ASIC2: variants seen among roughly 807,000 people sequenced by gnomAD.
The protein encoded by ASIC2 is acid-sensing ion channel 2.
A neutral mutation model predicts 57.3 loss-of-function variants in ASIC2; 25 were observed. That is an observed-to-expected ratio of 0.44 (90% CI 0.32 to 0.61). ASIC2 has a LOEUF of 0.61. Ranked by LOEUF, ASIC2 falls within the 20% of genes least tolerant of loss-of-function variation. The probability of loss-of-function intolerance (pLI) is 0.06; values close to 1 mark genes in which losing one functional copy is unlikely to be tolerated. For synonymous variants in ASIC2, 319 were observed against 307.5 expected, an observed-to-expected ratio of 1.04 and a Z score of -0.39; for missense variants, 641 against 738.1, an observed-to-expected ratio of 0.87 and a Z score of 1.52.
chr17:33,716,402 T>C (rs1909219999), intron 1 of ASIC2, among the ~76,000 whole-genome samples: 1 of 152,206 alleles, frequency 6.6e-6, no homozygotes, highest in African/African-American at 2.4e-5. Flanking sequence ...CTGATACACC[T>C]CTTTGGAAGG....
At chr17:34,094,985 T>A (rs929669439) in intron 1 of ASIC2, among the ~76,000 whole-genome samples, 1 of 152,206 alleles carries the variant, frequency 6.6e-6, no homozygotes, top group East Asian at 1.9e-4. Context: ...GAGGAAAGCA[T>A]ATCTGATTGT....
At chr17:33,907,090 C>T (rs953582970) in intron 1 of ASIC2, among the ~76,000 whole-genome samples, 2 of 152,098 alleles carry the variant, frequency 1.3e-5, no homozygotes, top group African/African-American at 4.8e-5. Context: ...AGGGGGCTGG[C>T]TAAGTAGAAG....
chr17:33,277,017 TC>T lies in ASIC2; in HGVS notation c.708+14390del, dbSNP rs1904732751. Among the ~76,000 whole-genome samples the T allele has an allele frequency of 4.6e-5, 7 of 152,358 alleles. No homozygotes were observed. In the South Asian group the frequency reaches 1.4e-3, roughly 32 times the overall value. On this transcript the variant is annotated intron_variant, in intron 1 of 9. Transcript: ENST00000225823. ...GTCCCATGTACCCGTGGTATTGATG[TC>T]ATTTAGGAGCTTGACAGGAATGCAG...
chr17:33,760,109 G>T (rs1910736497), intron 1 of ASIC2, among the ~76,000 whole-genome samples: 1 of 151,996 alleles, frequency 6.6e-6, no homozygotes, highest in Admixed American at 6.5e-5. Context: ...AGAGCAGTTT[G>T]TTAAAATTGG....
chr17:33,155,351 C>T (rs768991189), intron 1 of ASIC2, among the ~76,000 whole-genome samples: 4 of 152,178 alleles, frequency 2.6e-5, no homozygotes, highest in Non-Finnish European at 4.4e-5. Flanking sequence ...CAGGTGTCTG[C>T]GCATCCATCT....
At chr17:34,077,323 T>TGATC (rs1286276624) in intron 1 of ASIC2, among the ~76,000 whole-genome samples, 2 of 152,182 alleles carry the variant, frequency 1.3e-5, no homozygotes, top group African/African-American at 4.8e-5. Context: ...TCCTCTCCTG[T>TGATC]GATCGAGCCC....
intron 1 of ASIC2, among the ~76,000 whole-genome samples, chr17:33,254,421 T>C (rs1908987652): frequency 6.6e-6 from 1 of 152,208 alleles, no homozygotes; most frequent in Non-Finnish European, 1.5e-5. Context: ...AGTGAAGTTC[T>C]TTAATCTGGC....
chr17:34,123,915 T>A lies in ASIC2; in HGVS notation c.555+32063A>T, dbSNP rs1911698753. Among the ~76,000 whole-genome samples the A allele has an allele frequency of 2.6e-5, 4 of 152,160 alleles. No homozygotes were observed. In the South Asian group the frequency reaches 6.2e-4, roughly 24 times the overall value. ...CTGGGCAACATGGCGAAACCCCATC[T>A]CTACAAAAATACAAAAATTAGCTGG... On this transcript the variant is annotated intron_variant, in intron 1 of 9. Transcript: ENST00000359872.
At chr17:33,383,058 A>G (rs1597707606) in intron 1 of ASIC2, among the ~76,000 whole-genome samples, 1 of 152,092 alleles carries the variant, frequency 6.6e-6, no homozygotes, top group South Asian at 2.1e-4. Flanking sequence ...CAAACACCAC[A>G]CACAAAAAAA....
At position 34,047,553 on chromosome 17, in the gene ASIC2, C is replaced by T. The variant is rs188759815; in HGVS notation, c.555+108425G>A. The stretch of plus-strand genomic sequence containing the variant: ...AAAAAAGACTGGAGTATATTGATTA[C>T]ACCAATGGGCCAAATTTCCCACCCC... On this transcript the variant is annotated intron_variant, in intron 1 of 9. Coordinates refer to the ASIC2 transcript ENST00000359872. 1.9e-3 allele frequency among the ~76,000 whole-genome samples: 269 copies of T among 139,270 alleles called. 1 individual carries two copies. Among genetic ancestry groups the T allele is most frequent in the Middle Eastern group, 0.012 (3 of 248 alleles). 91.4% of individuals were successfully genotyped at this position (139,270 alleles called of 152,430 possible).
chr17:33,890,195 G>A (rs1305805194), intron 1 of ASIC2, among the ~76,000 whole-genome samples: 1 of 152,188 alleles, frequency 6.6e-6, no homozygotes, highest in East Asian at 1.9e-4. Flanking sequence ...TTACTGGACA[G>A]TGCAGGGTTA....
chr17:33,883,753 C>T (rs538657345), intron 1 of ASIC2, among the ~76,000 whole-genome samples: 1 of 152,344 alleles, frequency 6.6e-6, no homozygotes, highest in East Asian at 1.9e-4. Context: ...TCCTGCATCC[C>T]CTGAATTCAT....
chr17:33,475,370 C>A (rs1913186885), intron 1 of ASIC2, among the ~76,000 whole-genome samples: 1 of 152,072 alleles, frequency 6.6e-6, no homozygotes, highest in Non-Finnish European at 1.5e-5. Context: ...CCTTGTAACA[C>A]TATTTTGAAG....
intron 3 of ASIC2, among the ~76,000 whole-genome samples, chr17:33,054,941 T>A (rs2141932388): frequency 6.6e-6 from 1 of 152,306 alleles, no homozygotes; most frequent in Non-Finnish European, 1.5e-5. Flanking sequence ...ATTAGCAGGT[T>A]CAAGGAGCTC....
chr17:34,120,079 T>C (rs1426900908), intron 1 of ASIC2: 2 of 152,208 alleles, frequency 1.3e-5, no homozygotes. Flanking sequence ...TTGAGCTCCA[T>C]GCTCCCATTC....
intron 1 of ASIC2, among the ~76,000 whole-genome samples, chr17:33,254,041 A>G (rs924345317): frequency 7.2e-5 from 11 of 152,174 alleles, no homozygotes; most frequent in Non-Finnish European, 1.5e-4. Context: ...CTATTTCTTG[A>G]TGCAAGTTCT....
intron 1 of ASIC2, among the ~76,000 whole-genome samples, chr17:33,982,492 T>C (rs1162197185): frequency 1.3e-5 from 2 of 152,198 alleles, no homozygotes; most frequent in African/African-American, 4.8e-5. Context: ...GAGTCAGATC[T>C]GAGTCCAGCG....
chr17:33,150,775 G>A (rs748905683), intron 1 of ASIC2, among the ~76,000 whole-genome samples: 1 of 81,734 alleles, frequency 1.2e-5, no homozygotes, highest in Admixed American at 9.5e-5. Flanking sequence ...GCGTGAACCC[G>A]GGAGGCGGAG....
chr17:33,111,813 G>C (rs1230595109), intron 2 of ASIC2, 104 bp downstream of exon 2: 4 of 1,454,758 alleles, frequency 2.7e-6, no homozygotes, highest in Admixed American at 2.4e-5. Context: ...CCTTGCTGGA[G>C]AGCAGTCCCT....
Sources: allele counts gnomAD v4.1 joint callset (sites outside exome capture counted in the v4.1 genomes callset), GRCh38; gene constraint gnomAD v4.1.1; transcripts MANE v1.5; gene names NCBI Gene and HGNC (gene_info 2026-07-23, HGNC 2026-07-21).